Variants in OTUD7A observed in about 807,000 individuals in gnomAD.
OTUD7A encodes OTU deubiquitinase 7A.
OTUD7A carries 12 observed loss-of-function variants against 65.7 expected under a neutral mutation model. That is an observed-to-expected ratio of 0.18 (90% CI 0.12 to 0.30). The LOEUF is 0.30. OTUD7A is among the 10% of genes least tolerant of loss of function. The probability of loss-of-function intolerance (pLI) is 1.00; values close to 1 mark genes in which losing one functional copy is unlikely to be tolerated. For synonymous variants in OTUD7A, 641 were observed against 586.3 expected, an observed-to-expected ratio of 1.09 and a Z score of -1.35; for missense variants, 1,148 against 1,304.8, an observed-to-expected ratio of 0.88 and a Z score of 1.85.
At position 31,480,297 on chromosome 15, in the gene OTUD7A, G is replaced by A. The variant is rs1005740431; in HGVS notation, c.*2997C>T. 3.3e-5 allele frequency: 5 copies of A among 152,184 alleles called. No individual in the cohort carries two copies. Among genetic ancestry groups the A allele is most frequent in the East Asian group, 3.8e-4 (2 of 5,202 alleles). The allele number at this position is 152,184 out of a possible 1,614,324, so 9.4% of individuals were successfully genotyped here. The stretch of plus-strand genomic sequence containing the variant: ...ATATTTTAAAAAAATCATTTACCCA[G>A]ATAACAAATGTGCAGGAAATGTAAA... On this transcript the variant is annotated 3_prime_UTR_variant, in exon 13 of 13. Coordinates refer to ENST00000307050, the MANE Select transcript of OTUD7A (RefSeq NM_001382637.1).
At chr15:31,613,794 C>T (rs1417476823) in intron 3 of OTUD7A, among the ~76,000 whole-genome samples, 1 of 152,074 alleles carries the variant, frequency 6.6e-6, no homozygotes, top group Non-Finnish European at 1.5e-5. Context: ...TACTGGGTAT[C>T]CACCTAGAGG....
chr15:31,779,792 G>A (rs1465299658), intron 1 of OTUD7A, among the ~76,000 whole-genome samples: 1 of 152,098 alleles, frequency 6.6e-6, no homozygotes, highest in Non-Finnish European at 1.5e-5. Context: ...GGAGGTGGGT[G>A]CAGAGGGTAC....
intron 1 of OTUD7A, chr15:31,765,657 T>C (rs925519915): frequency 1.8e-5 from 12 of 682,294 alleles, no homozygotes; most frequent in Non-Finnish European, 2.4e-5. Flanking sequence ...ACCTTATTAA[T>C]GACAGACTTC....
At chr15:31,643,985 C>T (rs376480480) in intron 3 of OTUD7A, among the ~76,000 whole-genome samples, 1 of 152,158 alleles carries the variant, frequency 6.6e-6, no homozygotes, top group Non-Finnish European at 1.5e-5. Flanking sequence ...CTTGCAGCTG[C>T]ACAGACAGAA....
intron 1 of OTUD7A, among the ~76,000 whole-genome samples, chr15:31,785,138 C>CTGCAAGTACACTTTGATGGATCTAGACCA (rs1156763040): frequency 2.0e-5 from 3 of 152,170 alleles, no homozygotes; most frequent in Admixed American, 6.5e-5. Context: ...GATCTAAATC[C>CTGCAAGTACACTTTGATGGATCTAGACCA]TGCAAGTACA....
intron 1 of OTUD7A, among the ~76,000 whole-genome samples, chr15:31,774,469 A>G (rs1895318670): frequency 6.6e-6 from 1 of 152,270 alleles, no homozygotes; most frequent in Non-Finnish European, 1.5e-5. Flanking sequence ...AGACCAGCCC[A>G]GAAGGAAAGT....
In OTUD7A at chr15:31,664,510, A is replaced by AT. The variant is rs977514018; in HGVS notation, c.-99-7434dup. Among the ~76,000 whole-genome samples the AT allele has an allele frequency of 5.1e-3, 732 of 142,180 alleles. 4 individuals carry two copies. Among genetic ancestry groups the AT allele is most frequent in the African/African-American group, 0.019 (663 of 35,780 alleles). The allele number at this position is 142,180 out of a possible 152,430, so 93.3% of individuals were successfully genotyped here. A position where few individuals can be genotyped will look rare whatever the true frequency, so the allele number is the denominator to read the frequency against. On this transcript the variant is annotated intron_variant, in intron 1 of 12. Transcript: ENST00000307050. ...TATCCTTAGCCCACTTTTTGATGGG[A>AT]TTTTTTTTTCTTACTGATTTGAGTT... is the stretch of plus-strand genomic sequence containing the variant.
Position 31,658,910 on chromosome 15 carries a change from T to C in OTUD7A, c.-99-1833A>G, listed in dbSNP as rs1892071733. On this transcript the variant is annotated intron_variant, in intron 1 of 12. Transcript: ENST00000307050. ...AGCCAGGTGTGGTGGCAGGCACCTG[T>C]AATCCCAGCTACTTGGGAGGCTGAG... Among the ~76,000 whole-genome samples the C allele has an allele frequency of 2.0e-5, 3 of 149,662 alleles. No homozygotes were observed. In the South Asian group the frequency reaches 6.4e-4, roughly 32 times the overall value.
intron 1 of OTUD7A, among the ~76,000 whole-genome samples, chr15:31,838,749 G>C (rs1035383521): frequency 6.6e-6 from 1 of 150,864 alleles, no homozygotes; most frequent in South Asian, 2.1e-4. Context: ...TGATCTTGAG[G>C]GGCCCCCACT....
At chr15:31,530,970 T>G (rs1419939103) in intron 5 of OTUD7A, among the ~76,000 whole-genome samples, 162 bp from the exon 6 acceptor site, 1 of 152,300 alleles carries the variant, frequency 6.6e-6, no homozygotes, top group East Asian at 1.9e-4. Context: ...TATAGATTTC[T>G]TTTCCCTTTG....
At chr15:31,819,918 T>C (rs1184814731) in intron 1 of OTUD7A, among the ~76,000 whole-genome samples, 1 of 152,176 alleles carries the variant, frequency 6.6e-6, no homozygotes, top group African/African-American at 2.4e-5. Flanking sequence ...GGAGTAGGTA[T>C]ACAGGCATTT....
chr15:31,544,314 C>G (rs1035018751), intron 5 of OTUD7A, among the ~76,000 whole-genome samples: 1 of 151,474 alleles, frequency 6.6e-6, no homozygotes, highest in Non-Finnish European at 1.5e-5. Flanking sequence ...AATTAATCAT[C>G]CATGTTAAAA....
chr15:31,857,172 G>A (rs1282448399), intron 1 of OTUD7A, among the ~76,000 whole-genome samples: 2 of 152,128 alleles, frequency 1.3e-5, no homozygotes, highest in Admixed American at 6.5e-5. Flanking sequence ...CCCCAGCCCT[G>A]AAGAAAAAAT....
intron 1 of OTUD7A, among the ~76,000 whole-genome samples, chr15:31,802,153 A>ATC (rs112482684): frequency 6.7e-6 from 1 of 150,178 alleles, no homozygotes; most frequent in African/African-American, 2.5e-5. Flanking sequence ...ATATATATAT[A>ATC]TGTAAAGGGG....
chr15:31,568,710 GC>G (rs1334005131), intron 4 of OTUD7A, among the ~76,000 whole-genome samples: 1 of 152,216 alleles, frequency 6.6e-6, no homozygotes, highest in Non-Finnish European at 1.5e-5. Context: ...GATCACGGGG[GC>G]AGATCCCTCA....
At chr15:31,723,395 C>G (rs1233401576) in intron 1 of OTUD7A, among the ~76,000 whole-genome samples, 2 of 628 alleles carry the variant, frequency 3.2e-3, no homozygotes, top group Non-Finnish European at 0.01. Context: ...CCGCACGCCA[C>G]CCCCCCCCCC....
At chr15:31,575,084 G>C (rs1450677012) in intron 3 of OTUD7A, among the ~76,000 whole-genome samples, 1 of 152,116 alleles carries the variant, frequency 6.6e-6, no homozygotes, top group African/African-American at 2.4e-5. Context: ...TTAAACTCAG[G>C]GGGGAAAAGG....
chr15:31,832,061 C>T lies in OTUD7A; in HGVS notation c.-100+38446G>A, dbSNP rs114347567. ...ATTACACAGGTGTATGGATTTGTCA[C>T]GGCTCATCTCATTTGTGCATTTCAT... On this transcript the variant is annotated intron_variant, in intron 1 of 12. Transcript: ENST00000307050. 3.7e-3 allele frequency among the ~76,000 whole-genome samples: 566 copies of T among 152,280 alleles called. 2 individuals carry two copies. The highest frequency in any genetic ancestry group is 0.012 in the South Asian group (57 of 4,818).
chr15:31,544,515 A>T (rs968201938), intron 5 of OTUD7A, among the ~76,000 whole-genome samples: 1 of 151,870 alleles, frequency 6.6e-6, no homozygotes, highest in African/African-American at 2.4e-5. Context: ...AAATAATGCC[A>T]TTTTCAGACA....
Sources: gnomAD v4.1 joint callset for allele counts (sites outside exome capture counted in the v4.1 genomes callset) on GRCh38, gnomAD v4.1.1 for gene constraint, MANE v1.5 for transcripts, NCBI Gene and HGNC (gene_info 2026-07-23, HGNC 2026-07-21) for gene names.